SYT11: variants seen among roughly 807,000 people sequenced by gnomAD.
SYT11 encodes the protein synaptotagmin 11, also known as synaptotagmin-11.
SYT11 carries 12 observed loss-of-function variants against 30.4 expected under a neutral mutation model. That is an observed-to-expected ratio of 0.39 (90% confidence interval 0.25 to 0.64). The LOEUF (loss-of-function observed/expected upper bound fraction) is 0.64. Among genes scored for constraint, SYT11 ranks in the 30% least tolerant of loss-of-function variants. The pLI is 0.45. For synonymous variants in SYT11, 204 were observed against 216.0 expected, an observed-to-expected ratio of 0.94 and a Z score of 0.49; for missense variants, 412 against 552.0, an observed-to-expected ratio of 0.75 and a Z score of 2.54.
At chr1:155,863,284 C>G (rs1672620657) in intron 1 of SYT11, among the ~76,000 whole-genome samples, 1 of 151,860 alleles carries the variant, frequency 6.6e-6, no homozygotes, top group Non-Finnish European at 1.5e-5. Context: ...CACCTTGTCT[C>G]TAAAAAAAAT....
chr1:155,879,298 T>G (rs1672923995), intron 2 of SYT11, among the ~76,000 whole-genome samples: 2 of 151,960 alleles, frequency 1.3e-5, no homozygotes, highest in African/African-American at 2.4e-5. Flanking sequence ...GCACCTGTAA[T>G]CCCAGCTACT....
chr1:155,869,951 G>A (rs903277753), intron 2 of SYT11, among the ~76,000 whole-genome samples: 1 of 152,130 alleles, frequency 6.6e-6, no homozygotes, highest in Admixed American at 6.5e-5. Flanking sequence ...TGAGTTACTC[G>A]ACCCCTCTAA....
In SYT11 at chr1:155,859,808, G is replaced by A. The variant is rs762323158; in HGVS notation, c.34+13G>A. On this transcript the variant is annotated intron_variant, in intron 1 of 3. Coordinates refer to ENST00000368324, the MANE Select transcript of SYT11 (RefSeq NM_152280.5). ...CGACCTAGCTTTGGTAAGTAGACTCGGGAAAACTAAGCTTGAGGTGGTCAG... is the reference window on the plus strand; with the variant it reads ...CGACCTAGCTTTGGTAAGTAGACTCAGGAAAACTAAGCTTGAGGTGGTCAG... 15 of 1,613,554 alleles carry A rather than the reference G, an allele frequency of 9.3e-6. No homozygotes were observed. Among genetic ancestry groups the A allele is most frequent in the East Asian group, 4.5e-5 (2 of 44,906 alleles).
rs1488721956 is a variant in SYT11 at position 155,884,109 on chromosome 1, A to G, written c.*2601A>G. On this transcript the variant is annotated 3_prime_UTR_variant, in exon 4 of 4. Transcript: ENST00000368324. Reference sequence around the variant, plus strand: ...GAAGCCCCATTAGGAAAAAATTTAAATGGTTCCTCTTCATCGCCTTAATGT... The same window carrying G: ...GAAGCCCCATTAGGAAAAAATTTAAGTGGTTCCTCTTCATCGCCTTAATGT... The G allele has an allele frequency of 6.5e-6, 1 of 152,812 alleles. No individual in the cohort carries two copies. The highest frequency in any genetic ancestry group is 1.5e-5 in the Non-Finnish European group (1 of 68,036). 9.5% of individuals were successfully genotyped at this position (152,812 alleles called of 1,614,324 possible).
chr1:155,861,885 T>C (rs1672598132), intron 1 of SYT11, among the ~76,000 whole-genome samples: 1 of 152,250 alleles, frequency 6.6e-6, no homozygotes, highest in Admixed American at 6.5e-5. Context: ...CCCAAAGTCC[T>C]GGGATTACAG....
intron 1 of SYT11, among the ~76,000 whole-genome samples, chr1:155,861,429 T>C (rs1033409084): frequency 2.6e-5 from 4 of 152,230 alleles, no homozygotes; most frequent in Non-Finnish European, 5.9e-5. Flanking sequence ...TGATTTCTCT[T>C]AGAGGGACTA....
At chr1:155,869,147 C>T (rs2102558594) in intron 2 of SYT11, among the ~76,000 whole-genome samples, 1 of 152,178 alleles carries the variant, frequency 6.6e-6, no homozygotes, top group Non-Finnish European at 1.5e-5. Flanking sequence ...ATGTGATCTT[C>T]CTCCAGTGAA....
At chr1:155,863,923 A>G (rs1393537482) in intron 1 of SYT11, among the ~76,000 whole-genome samples, 2 of 152,068 alleles carry the variant, frequency 1.3e-5, no homozygotes, top group African/African-American at 4.8e-5. Context: ...ATCTCAAAAA[A>G]AAAAAAAATT....
chr1:155,861,140 T>C (rs1389808226), intron 1 of SYT11, among the ~76,000 whole-genome samples: 1 of 152,164 alleles, frequency 6.6e-6, no homozygotes, highest in Non-Finnish European at 1.5e-5. Context: ...AGAAATCAAA[T>C]CAGATGTGTT....
In SYT11 at chr1:155,860,527, T is replaced by C. The variant is rs1158888573; in HGVS notation, c.34+732T>C. 1.3e-5 allele frequency among the ~76,000 whole-genome samples: 2 copies of C among 152,142 alleles called. No homozygotes were observed. Among genetic ancestry groups the C allele is most frequent in the East Asian group, 3.9e-4 (2 of 5,180 alleles). On this transcript the variant is annotated intron_variant, in intron 1 of 3. Transcript: ENST00000368324. The surrounding 1 kb of genome is among the most constrained non-coding windows in gnomAD (Gnocchi z 4.1). Reference sequence around the variant, plus strand: ...GCGCCGACGCTCTCCTTCCGGGGCCTTTGTTCCCTGTTTCCCTGGGCCGCC... The same window carrying C: ...GCGCCGACGCTCTCCTTCCGGGGCCCTTGTTCCCTGTTTCCCTGGGCCGCC...
intron 1 of SYT11, among the ~76,000 whole-genome samples, chr1:155,866,067 G>A (rs1672667427): frequency 1.3e-5 from 2 of 150,510 alleles, no homozygotes. Flanking sequence ...GATAAGACTA[G>A]GGTAAGGGAA....
At chr1:155,864,952 C>T (rs552119749) in intron 1 of SYT11, among the ~76,000 whole-genome samples, 1 of 152,168 alleles carries the variant, frequency 6.6e-6, no homozygotes, top group East Asian at 1.9e-4. Context: ...CTCAGGTGAT[C>T]TGCCTACCTC....
chr1:155,881,716 T>A lies in SYT11; in HGVS notation c.*208T>A, dbSNP rs1672966536. 2.2e-6 allele frequency: 1 copy of A among 452,568 alleles called. No individual in the cohort carries two copies. 28.0% of individuals were successfully genotyped at this position (452,568 alleles called of 1,614,324 possible). A position where few individuals can be genotyped will look rare whatever the true frequency, so the allele number is the denominator to read the frequency against. ...TTTTTTTTTCTGCTTTGCAAGGCGCTAGAATCTTTTATTTTACTTTATTTT... is the reference window on the plus strand; with the variant it reads ...TTTTTTTTTCTGCTTTGCAAGGCGCAAGAATCTTTTATTTTACTTTATTTT... On this transcript the variant is annotated 3_prime_UTR_variant, in exon 4 of 4. Transcript: ENST00000368324.
At chr1:155,875,603 G>A (rs915068458) in intron 2 of SYT11, among the ~76,000 whole-genome samples, 5 of 151,964 alleles carry the variant, frequency 3.3e-5, no homozygotes, top group African/African-American at 4.8e-5. Context: ...GGGTTTTACC[G>A]TGTTGGCCAG....
intron 2 of SYT11, among the ~76,000 whole-genome samples, chr1:155,869,391 C>T (rs1004464744): frequency 1.3e-5 from 2 of 151,500 alleles, no homozygotes; most frequent in Non-Finnish European, 2.9e-5. Context: ...CTGCCTCAGC[C>T]TCCCGAGTAG....
At chr1:155,867,836 GATGAGCAC>G in intron 1 of SYT11, 121 bp from the exon 2 acceptor site, 1 of 719,928 alleles carries the variant, frequency 1.4e-6, no homozygotes, top group East Asian at 2.7e-5. Flanking sequence ...CTGAAGCCCA[GATGAGCAC>G]ATTTTGCTTT....
At chr1:155,871,687 T>A (rs2102560327) in intron 2 of SYT11, among the ~76,000 whole-genome samples, 1 of 152,262 alleles carries the variant, frequency 6.6e-6, no homozygotes, top group South Asian at 2.1e-4. Flanking sequence ...AGGGCTAGGA[T>A]CCTGAGCAAC....
chr1:155,859,711 G>C lies in SYT11; in HGVS notation c.-51G>C, dbSNP rs750879467. 45 of 1,593,112 alleles carry C rather than the reference G, an allele frequency of 2.8e-5. No individual in the cohort carries two copies. Among genetic ancestry groups the C allele is most frequent in the Non-Finnish European group, 2.2e-5 (26 of 1,161,104 alleles). On this transcript the variant is annotated 5_prime_UTR_variant, in exon 1 of 4. Coordinates refer to ENST00000368324, the MANE Select transcript of SYT11 (RefSeq NM_152280.5). ...CCTCGGTACTGACCGAGGGTTCCCAGAGCTGTCTCACCATTGCAAAAACGT... is the reference window on the plus strand; with the variant it reads ...CCTCGGTACTGACCGAGGGTTCCCACAGCTGTCTCACCATTGCAAAAACGT...
intron 1 of SYT11, among the ~76,000 whole-genome samples, chr1:155,866,805 G>A (rs773098912): frequency 1.4e-4 from 21 of 151,850 alleles, no homozygotes; most frequent in Non-Finnish European, 2.8e-4. Context: ...TAATAGGGAA[G>A]AAAACCCCTA....
Sources: gnomAD v4.1 joint callset for allele counts (sites outside exome capture counted in the v4.1 genomes callset) on GRCh38, gnomAD v4.1.1 for gene constraint, Gnocchi (gnomAD v3.1) non-coding constraint, MANE v1.5 for transcripts, NCBI Gene and HGNC (gene_info 2026-07-23, HGNC 2026-07-21) for gene names.